The following CCSER1 variants were observed in gnomAD, a reference collection of about 807,000 sequenced individuals.
CCSER1 encodes the protein coiled-coil serine rich protein 1.
In CCSER1, 41 loss-of-function variants were observed where a neutral mutation model predicts 82.0. The observed-to-expected ratio is 0.50, with a 90% CI of 0.39 to 0.65. The LOEUF is 0.65. Ranked by LOEUF, CCSER1 falls within the 30% of genes least tolerant of loss-of-function variation. The pLI is 0.00. For synonymous variants in CCSER1, 414 were observed against 383.9 expected, an observed-to-expected ratio of 1.08 and a Z score of -0.92; for missense variants, 1,119 against 1,064.2, an observed-to-expected ratio of 1.05 and a Z score of -0.72.
At chr4:91,275,104 T>TA (rs527417495) in intron 10 of CCSER1, among the ~76,000 whole-genome samples, 51 of 143,330 alleles carry the variant, frequency 3.6e-4, no homozygotes, top group South Asian at 4.4e-4. Context: ...AGACTCCGTC[T>TA]AAAAAAAAAA....
chr4:91,503,341 CA>C (rs530250350), intron 10 of CCSER1, among the ~76,000 whole-genome samples: 1,970 of 79,434 alleles, frequency 0.025, 9 homozygotes, highest in African/African-American at 0.049. Flanking sequence ...TACTCCATCT[CA>C]AAAAAAAAAA....
At chr4:90,619,982 C>A (rs1236792716) in intron 5 of CCSER1, among the ~76,000 whole-genome samples, 2 of 152,018 alleles carry the variant, frequency 1.3e-5, no homozygotes, top group Middle Eastern at 3.2e-3. Context: ...TCACGTCAAC[C>A]TTCTCTTTTT....
intron 9 of CCSER1, among the ~76,000 whole-genome samples, chr4:91,042,927 A>G (rs1350110630): frequency 6.6e-6 from 1 of 152,134 alleles, no homozygotes; most frequent in Non-Finnish European, 1.5e-5. Context: ...AAACCAAACC[A>G]TCTGGTTTTG....
intron 1 of CCSER1, among the ~76,000 whole-genome samples, chr4:90,200,061 G>GAC (rs71596519): frequency 0.3 from 43,982 of 144,720 alleles, 6,556 homozygotes; most frequent in South Asian, 0.41. Context: ...CGTGCACGCA[G>GAC]ACACACACAC....
At chr4:91,034,673 T>C (rs1362463472) in intron 9 of CCSER1, among the ~76,000 whole-genome samples, 2 of 152,176 alleles carry the variant, frequency 1.3e-5, no homozygotes, top group Non-Finnish European at 2.9e-5. Flanking sequence ...GAATCATTTA[T>C]ATCACTCTAG....
intron 6 of CCSER1, among the ~76,000 whole-genome samples, chr4:90,711,906 TA>T (rs1176092867): frequency 6.6e-6 from 1 of 152,010 alleles, no homozygotes; most frequent in Non-Finnish European, 1.5e-5. Flanking sequence ...ATAGAAATGG[TA>T]AAAGCTTTTC....
At chr4:90,780,524 A>T in intron 7 of CCSER1, 21 of 1,594,364 alleles carry the variant, frequency 1.3e-5, no homozygotes, top group Non-Finnish European at 1.8e-5. Flanking sequence ...ATCCACCATG[A>T]CTTATTCAAA....
At chr4:90,891,450 A>C (rs1722960004) in intron 8 of CCSER1, among the ~76,000 whole-genome samples, 1 of 151,566 alleles carries the variant, frequency 6.6e-6, no homozygotes, top group Non-Finnish European at 1.5e-5. Context: ...CTAATTTTTA[A>C]ATTATTTATA....
Position 90,300,600 on chromosome 4 carries a change from C to T in CCSER1, c.-41-7644C>T, listed in dbSNP as rs531111598. The stretch of plus-strand genomic sequence containing the variant: ...ATGAGACCAGGTGTCATGTCATTAG[C>T]TCTGACTCATAATGAAAAAATATGA... On this transcript the variant is annotated intron_variant, in intron 1 of 10. Coordinates refer to ENST00000509176, the MANE Select transcript of CCSER1 (RefSeq NM_001145065.2). 2.6e-5 allele frequency among the ~76,000 whole-genome samples: 4 copies of T among 152,128 alleles called. No homozygotes were observed. The East Asian group carries it at 7.7e-4, about 29-fold the overall frequency.
At chr4:91,298,927 G>T (rs1168653952) in intron 10 of CCSER1, among the ~76,000 whole-genome samples, 1 of 151,924 alleles carries the variant, frequency 6.6e-6, no homozygotes, top group Non-Finnish European at 1.5e-5. Flanking sequence ...TCTAAGTGTG[G>T]TGTCTAGACG....
At chr4:91,182,563 T>G (rs1469999041) in intron 10 of CCSER1, among the ~76,000 whole-genome samples, 1 of 152,244 alleles carries the variant, frequency 6.6e-6, no homozygotes, top group Non-Finnish European at 1.5e-5. Flanking sequence ...CTCTGTGGCT[T>G]GTCCTTGAGA....
At chr4:90,366,500 G>A (rs920261120) in intron 3 of CCSER1, among the ~76,000 whole-genome samples, 1 of 151,560 alleles carries the variant, frequency 6.6e-6, no homozygotes, top group African/African-American at 2.4e-5. Flanking sequence ...CATTTATTAT[G>A]GTGAGAACAT....
At chr4:90,460,250 G>A (rs570512750) in intron 4 of CCSER1, among the ~76,000 whole-genome samples, 289 of 140,040 alleles carry the variant, frequency 2.1e-3, no homozygotes, top group East Asian at 3.3e-3. Context: ...GCGTGAACCC[G>A]GGAGGCGGAG....
intron 8 of CCSER1, among the ~76,000 whole-genome samples, chr4:90,863,544 C>CT (rs924327353): frequency 2.4e-4 from 37 of 151,698 alleles, no homozygotes; most frequent in South Asian, 6.2e-4. Flanking sequence ...CTTTGCGTTT[C>CT]TTTTTTTCTT....
At chr4:91,524,544 A>T (rs777345368) in intron 10 of CCSER1, among the ~76,000 whole-genome samples, 3 of 152,142 alleles carry the variant, frequency 2.0e-5, no homozygotes, top group Non-Finnish European at 4.4e-5. Context: ...CCTGGTGGTT[A>T]TCTCAATTTG....
intron 7 of CCSER1, among the ~76,000 whole-genome samples, chr4:90,759,183 C>T (rs1161394105): frequency 1.1e-4 from 17 of 152,182 alleles, no homozygotes; most frequent in African/African-American, 1.4e-4. Context: ...TGTTAATCCT[C>T]TGTAACCCTC....
chr4:90,130,006 A>G (rs954478472), intron 1 of CCSER1, among the ~76,000 whole-genome samples: 25 of 152,248 alleles, frequency 1.6e-4, no homozygotes, highest in African/African-American at 5.1e-4. Context: ...TTGACAGTTA[A>G]GAGAATCAGC....
chr4:90,806,623 C>G lies in CCSER1; in HGVS notation c.2011-9139C>G, dbSNP rs958524562. On this transcript the variant is annotated intron_variant, in intron 7 of 10. Transcript: ENST00000509176. ...GCTTTTTCAAGGGTCAGCCTCAGCTCTCCAGATGAAGTTCAAGCTCATCAC... is the reference window on the plus strand; with the variant it reads ...GCTTTTTCAAGGGTCAGCCTCAGCTGTCCAGATGAAGTTCAAGCTCATCAC... Among the ~76,000 whole-genome samples the G allele has an allele frequency of 3.3e-5, 5 of 152,148 alleles. 1 individual carries two copies. Among genetic ancestry groups the G allele is most frequent in the Non-Finnish European group, 5.9e-5 (4 of 68,032 alleles).
At chr4:90,186,849 C>T (rs1453760664) in intron 1 of CCSER1, among the ~76,000 whole-genome samples, 2 of 151,782 alleles carry the variant, frequency 1.3e-5, no homozygotes, top group East Asian at 1.9e-4. Context: ...GTTTTTCCCC[C>T]CCATGGTGTA....
Sources: allele counts gnomAD v4.1 joint callset (sites outside exome capture counted in the v4.1 genomes callset), GRCh38; gene constraint gnomAD v4.1.1; transcripts MANE v1.5; gene names NCBI Gene and HGNC (gene_info 2026-07-23, HGNC 2026-07-21).